The following TMEM178B variants were observed in gnomAD, a reference collection of about 807,000 sequenced individuals.
The protein encoded by TMEM178B is transmembrane protein 178B.
Under a neutral mutation model 31.0 loss-of-function variants are expected in TMEM178B, and 5 were observed. That is an observed-to-expected ratio of 0.16 (90% CI 0.08 to 0.34). The LOEUF (loss-of-function observed/expected upper bound fraction) is 0.34, where lower values mean the gene tolerates loss of function less well. Among genes scored for constraint, TMEM178B ranks in the 10% least tolerant of loss-of-function variants. TMEM178B has a pLI of 1.00. For missense variants in TMEM178B, 275 were observed against 400.3 expected (o/e 0.69, Z 2.67); for synonymous variants, 164 against 164.0 (o/e 1.00, Z 0.00).
intron 2 of TMEM178B, among the ~76,000 whole-genome samples, chr7:141,346,754 C>T (rs149928290): frequency 6.6e-6 from 1 of 152,216 alleles, no homozygotes; most frequent in Admixed American, 6.5e-5. Flanking sequence ...GTGTGGTACA[C>T]ACACAAACAC....
rs1475154121 is a variant in TMEM178B at position 141,422,815 on chromosome 7, G to A, written c.497-14793G>A. On this transcript the variant is annotated intron_variant, in intron 2 of 3. Transcript: ENST00000565468. The surrounding 1 kb of genome is among the most constrained non-coding windows in gnomAD (Gnocchi z 4.2). ...AAACTGTCACTCACCAACCTTCTGC[G>A]TCCATCTCCTGGTCTCTTGTTATAT... Among the ~76,000 whole-genome samples, 1 of 152,044 alleles carries A rather than the reference G, an allele frequency of 6.6e-6. No homozygotes were observed. Among genetic ancestry groups the A allele is most frequent in the Non-Finnish European group, 1.5e-5 (1 of 68,016 alleles).
At chr7:141,415,743 T>C (rs1801084857) in intron 2 of TMEM178B, among the ~76,000 whole-genome samples, 1 of 152,186 alleles carries the variant, frequency 6.6e-6, no homozygotes, top group Non-Finnish European at 1.5e-5. Flanking sequence ...ATAGGGGATG[T>C]GCCCTTTGAT....
In TMEM178B at chr7:141,232,464, A is replaced by G. The variant is rs139100498; in HGVS notation, c.496+19760A>G. Among the ~76,000 whole-genome samples, 740 of 152,290 alleles carry G rather than the reference A, an allele frequency of 4.9e-3. 8 individuals carry two copies. The highest frequency in any genetic ancestry group is 0.017 in the African/African-American group (716 of 41,558). On this transcript the variant is annotated intron_variant, in intron 2 of 3. Transcript: ENST00000565468. ...ATTCCTTTTTCTCTGCAACCTTGCCAGCATCTGTTGTTACTTGACTATCTA... is the reference window on the plus strand; with the variant it reads ...ATTCCTTTTTCTCTGCAACCTTGCCGGCATCTGTTGTTACTTGACTATCTA...
rs539249996 is a variant in TMEM178B at position 141,422,860 on chromosome 7, A to G, written c.497-14748A>G. 6.6e-6 allele frequency among the ~76,000 whole-genome samples: 1 copy of G among 152,214 alleles called. No individual in the cohort carries two copies. Among genetic ancestry groups the G allele is most frequent in the South Asian group, 2.1e-4 (1 of 4,808 alleles). ...TTATATGTAAACTGAAGGCGGCGAGAGCACTATGAGTTGCAGAACTAGATC... is the reference window on the plus strand; with the variant it reads ...TTATATGTAAACTGAAGGCGGCGAGGGCACTATGAGTTGCAGAACTAGATC... On this transcript the variant is annotated intron_variant, in intron 2 of 3. Transcript: ENST00000565468. The surrounding 1 kb of genome is among the most constrained non-coding windows in gnomAD (Gnocchi z 4.2).
At chr7:141,147,898 G>A (rs1191896615) in intron 1 of TMEM178B, among the ~76,000 whole-genome samples, 1 of 152,198 alleles carries the variant, frequency 6.6e-6, no homozygotes. Flanking sequence ...TGAAGATAAA[G>A]TTGCCCAAAG....
At chr7:141,274,562 G>A (rs553828739) in intron 2 of TMEM178B, among the ~76,000 whole-genome samples, 14 of 152,248 alleles carry the variant, frequency 9.2e-5, no homozygotes, top group Middle Eastern at 3.4e-3. Context: ...TTTCTATTCC[G>A]GCTCTGTTCC....
chr7:141,253,584 C>T (rs1422916741), intron 2 of TMEM178B, among the ~76,000 whole-genome samples: 6 of 88,824 alleles, frequency 6.8e-5, no homozygotes, highest in Non-Finnish European at 1.3e-4. Context: ...GAGTTTCACT[C>T]TTGTTGCCCA....
Position 141,074,764 on chromosome 7 carries a change from C to T in TMEM178B, c.382+72C>T. Reference sequence around the variant, plus strand: ...TTAGGCCCCGCAGCCCCTCGCGTCTCCTTCCCAGGCCACAGGCTATCAGGT... The same window carrying T: ...TTAGGCCCCGCAGCCCCTCGCGTCTTCTTCCCAGGCCACAGGCTATCAGGT... On this transcript the variant is annotated intron_variant, in intron 1 of 3. Coordinates refer to ENST00000565468, the MANE Select transcript of TMEM178B (RefSeq NM_001195278.2). The surrounding 1 kb of genome is among the most constrained non-coding windows in gnomAD (Gnocchi z 5.1). 1 of 1,433,832 alleles carries T rather than the reference C, an allele frequency of 7.0e-7. No homozygotes were observed. Among genetic ancestry groups the T allele is most frequent in the South Asian group, 1.5e-5 (1 of 67,540 alleles). The allele number at this position is 1,433,832 out of a possible 1,614,324, so 88.8% of individuals were successfully genotyped here.
rs769422332 is a variant in TMEM178B at position 141,159,595 on chromosome 7, A to G, written c.383-52996A>G. Among the ~76,000 whole-genome samples the G allele has an allele frequency of 2.6e-5, 4 of 152,336 alleles. No homozygotes were observed. The South Asian group carries it at 8.3e-4, about 32-fold the overall frequency. ...TGGATAAACAAAATGTGGCATATTC[A>G]TAGAGTGGAATATTATTCCATCTCA... On this transcript the variant is annotated intron_variant, in intron 1 of 3. Transcript: ENST00000565468.
intron 2 of TMEM178B, among the ~76,000 whole-genome samples, chr7:141,419,911 C>T (rs987004594): frequency 2.6e-5 from 4 of 152,132 alleles, no homozygotes; most frequent in East Asian, 1.9e-4. Flanking sequence ...AAAACCATTA[C>T]ACAGGAGTAT....
At chr7:141,296,298 C>T (rs954706537) in intron 2 of TMEM178B, among the ~76,000 whole-genome samples, 2 of 152,146 alleles carry the variant, frequency 1.3e-5, no homozygotes, top group Non-Finnish European at 2.9e-5. Flanking sequence ...AAACTCCCAA[C>T]CTCAAGTGAT....
At chr7:141,175,783 G>T (rs950053071) in intron 1 of TMEM178B, among the ~76,000 whole-genome samples, 2 of 152,146 alleles carry the variant, frequency 1.3e-5, no homozygotes, top group African/African-American at 4.8e-5. Context: ...GTATAGGAAT[G>T]CTTGTGATTT....
At chr7:141,115,775 CA>C (rs1362338896) in intron 1 of TMEM178B, among the ~76,000 whole-genome samples, 1 of 152,180 alleles carries the variant, frequency 6.6e-6, no homozygotes, top group African/African-American at 2.4e-5. Flanking sequence ...GGCCTGTCTG[CA>C]AGGTTGAGAG....
At chr7:141,125,695 AAAG>A in intron 1 of TMEM178B, among the ~76,000 whole-genome samples, 1 of 151,724 alleles carries the variant, frequency 6.6e-6, no homozygotes, top group African/African-American at 2.4e-5. Context: ...AAAAAAAAAA[AAAG>A]AAAAAGAAAA....
chr7:141,204,358 C>G (rs1796928792), intron 1 of TMEM178B, among the ~76,000 whole-genome samples: 1 of 152,196 alleles, frequency 6.6e-6, no homozygotes, highest in Non-Finnish European at 1.5e-5. Context: ...CCTGTCACCC[C>G]CTTAGTTGAG....
At chr7:141,136,401 C>G (rs1795675813) in intron 1 of TMEM178B, among the ~76,000 whole-genome samples, 1 of 152,064 alleles carries the variant, frequency 6.6e-6, no homozygotes, top group Non-Finnish European at 1.5e-5. Context: ...AGACATAAGA[C>G]TAAAACTATA....
At chr7:141,255,164 T>A (rs1287888505) in intron 2 of TMEM178B, among the ~76,000 whole-genome samples, 1 of 152,218 alleles carries the variant, frequency 6.6e-6, no homozygotes, top group Non-Finnish European at 1.5e-5. Context: ...ATTTTTCTCA[T>A]TTTTCCCTTC....
intron 2 of TMEM178B, among the ~76,000 whole-genome samples, chr7:141,282,414 A>G (rs1798380370): frequency 6.6e-6 from 1 of 152,232 alleles, no homozygotes; most frequent in African/African-American, 2.4e-5. Flanking sequence ...GCTCAACTAT[A>G]AGGAATGAAT....
intron 2 of TMEM178B, among the ~76,000 whole-genome samples, chr7:141,267,214 G>C (rs1798107702): frequency 6.6e-6 from 1 of 152,162 alleles, no homozygotes; most frequent in South Asian, 2.1e-4. Flanking sequence ...CTGGTTTCTG[G>C]GTCCTCTACG....
Sources: allele counts gnomAD v4.1 joint callset (sites outside exome capture counted in the v4.1 genomes callset), GRCh38; gene constraint gnomAD v4.1.1; non-coding constraint Gnocchi (gnomAD v3.1); transcripts MANE v1.5; gene names NCBI Gene and HGNC (gene_info 2026-07-23, HGNC 2026-07-21).